WWP2: variants seen among roughly 807,000 people sequenced by gnomAD.
The protein encoded by WWP2 is NEDD4-like E3 ubiquitin-protein ligase WWP2.
WWP2 carries 57 observed loss-of-function variants against 121.0 expected under a neutral mutation model. The observed-to-expected ratio is 0.47, with a 90% CI of 0.38 to 0.59. The LOEUF (loss-of-function observed/expected upper bound fraction) is 0.59, where lower values mean the gene tolerates loss of function less well. WWP2 is among the 20% of genes least tolerant of loss of function. WWP2 has a pLI of 0.00. For synonymous variants in WWP2, 449 were observed against 441.3 expected (o/e 1.02, Z -0.22); for missense variants, 962 against 1,158.9 (o/e 0.83, Z 2.47).
At chr16:69,788,629 G>A (rs558514002) in intron 2 of WWP2, among the ~76,000 whole-genome samples, 1 of 152,224 alleles carries the variant, frequency 6.6e-6, no homozygotes, top group African/African-American at 2.4e-5. Flanking sequence ...CTGATCCAAC[G>A]CCACCTTTCT....
chr16:69,920,784 C>CAATA (rs1474700394), intron 10 of WWP2, among the ~76,000 whole-genome samples: 2 of 151,898 alleles, frequency 1.3e-5, no homozygotes, highest in Non-Finnish European at 1.5e-5. Flanking sequence ...GATCCTGTCT[C>CAATA]AATAAATAAA....
At chr16:69,931,972 C>T in intron 16 of WWP2, 82 bp downstream of exon 16, 3 of 1,315,458 alleles carry the variant, frequency 2.3e-6, no homozygotes, top group South Asian at 1.3e-5. Flanking sequence ...CTGCCTGCCC[C>T]CTGCTCACAT....
At chr16:69,928,037 A>C (rs1299715582) in intron 11 of WWP2, among the ~76,000 whole-genome samples, 1 of 152,036 alleles carries the variant, frequency 6.6e-6, no homozygotes, top group Non-Finnish European at 1.5e-5. Flanking sequence ...TCTGTTTGTA[A>C]AATTTCAGTC....
chr16:69,840,388 T>C lies in WWP2; in HGVS notation c.478+125T>C, dbSNP rs927155774. 9.7e-6 allele frequency: 13 copies of C among 1,336,174 alleles called. No individual in the cohort carries two copies. The African/African-American group carries it at 1.9e-4, about 19-fold the overall frequency. The allele number at this position is 1,336,174 out of a possible 1,614,324, so 82.8% of individuals were successfully genotyped here. ...TTTGATTCCCACTCAGCCTGGCCCA[T>C]AGCTAGCCCGGACTCTTCTTAGCTC... On this transcript the variant is annotated intron_variant, in intron 5 of 23. Coordinates refer to ENST00000359154, the MANE Select transcript of WWP2 (RefSeq NM_001270454.2).
At chr16:69,845,671 A>G (rs1156430341) in intron 6 of WWP2, among the ~76,000 whole-genome samples, 3 of 152,030 alleles carry the variant, frequency 2.0e-5, no homozygotes, top group African/African-American at 4.8e-5. Context: ...CATTCGTCCA[A>G]GCTCATCCCG....
intron 7 of WWP2, among the ~76,000 whole-genome samples, chr16:69,876,420 C>T (rs777453904): frequency 1.1e-4 from 16 of 150,584 alleles, no homozygotes; most frequent in Admixed American, 2.0e-4. Context: ...GCTGGAATGC[C>T]GTGGCATGAT....
At chr16:69,766,290 G>A (rs1480815271) in intron 1 of WWP2, among the ~76,000 whole-genome samples, 1 of 152,076 alleles carries the variant, frequency 6.6e-6, no homozygotes, top group Non-Finnish European at 1.5e-5. Context: ...AGTACACCCT[G>A]GATGCATCTT....
chr16:69,885,746 G>A (rs2057911831), intron 7 of WWP2, among the ~76,000 whole-genome samples: 1 of 152,192 alleles, frequency 6.6e-6, no homozygotes, highest in Non-Finnish European at 1.5e-5. Flanking sequence ...TTGAGCTATA[G>A]TTTCCTTAAG....
intron 8 of WWP2, among the ~76,000 whole-genome samples, chr16:69,892,905 T>C (rs1467284827): frequency 1.3e-5 from 2 of 152,234 alleles, no homozygotes; most frequent in Non-Finnish European, 1.5e-5. Context: ...TGGCTTCATA[T>C]TGTCTTTGGG....
chr16:69,908,796 A>T lies in WWP2; in HGVS notation c.950A>T (p.Tyr317Phe), dbSNP rs774748100. The change falls in exon 9 of 24, where the codon TAT becomes TTT. Residue 317 changes from tyrosine to phenylalanine, a missense_variant. Tyr to Phe is a conservative substitution (Grantham distance 22). Transcript: ENST00000359154. Reference sequence around the variant, plus strand: ...CGAGAGCTGCCCAACGGACGTGTCTATTATGTTGACCACAATACCAAGACC... The same window carrying T: ...CGAGAGCTGCCCAACGGACGTGTCTTTTATGTTGACCACAATACCAAGACC... Reference protein sequence around the residue: ...EQRELPNGRVYYVDHNTKTTT... With the variant: ...EQRELPNGRVFYVDHNTKTTT... 1.9e-6 allele frequency: 3 copies of T among 1,614,174 alleles called. No homozygotes were observed. The highest frequency in any genetic ancestry group is 2.5e-6 in the Non-Finnish European group (3 of 1,180,026).
chr16:69,864,978 C>T (rs2057493354), intron 6 of WWP2, among the ~76,000 whole-genome samples: 2 of 151,986 alleles, frequency 1.3e-5, no homozygotes, highest in Admixed American at 1.3e-4. Context: ...TTGCACTTCC[C>T]GAAGAACTTA....
chr16:69,762,613 G>A (rs2038638574), intron 1 of WWP2, among the ~76,000 whole-genome samples: 1 of 151,640 alleles, frequency 6.6e-6, no homozygotes, highest in African/African-American at 2.4e-5. Context: ...CGCGGGGGTT[G>A]CTCCGAAATG....
chr16:69,860,580 C>T (rs971735775), intron 6 of WWP2, among the ~76,000 whole-genome samples: 1 of 152,156 alleles, frequency 6.6e-6, no homozygotes, highest in African/African-American at 2.4e-5. Flanking sequence ...GCAAGTAGAT[C>T]AGCAAAGGGT....
chr16:69,930,191 C>A lies in WWP2; in HGVS notation c.1378C>A (p.Arg460=). The part of the protein sequence containing the change: ...WEMKYTSEGV[R]YFVDHNTRTT... ...GATGAAATACACCAGCGAGGGGGTG[C>A]GATACTTTGTGGACCACAATACCCG... The change falls in exon 13 of 24, where the codon CGA becomes AGA. Residue 460 remains arginine (R), a synonymous_variant. Coordinates refer to ENST00000359154, the MANE Select transcript of WWP2 (RefSeq NM_001270454.2). 1 of 1,613,856 alleles carries A rather than the reference C, an allele frequency of 6.2e-7. No individual in the cohort carries two copies. The highest frequency in any genetic ancestry group is 8.5e-7 in the Non-Finnish European group (1 of 1,179,892).
chr16:69,929,300 T>G, intron 11 of WWP2, 148 bp from the exon 12 acceptor site: 24 of 647,200 alleles, frequency 3.7e-5, no homozygotes, highest in East Asian at 6.0e-5. Flanking sequence ...CAAGTGTGAG[T>G]GAGCTTGGCT....
chr16:69,851,177 A>AT (rs34470069), intron 6 of WWP2, among the ~76,000 whole-genome samples: 56,244 of 144,884 alleles, frequency 0.39, 10,884 homozygotes, highest in Admixed American at 0.49. Flanking sequence ...TGCCCAGCTA[A>AT]TTTTTTTTTT....
In WWP2 at chr16:69,880,177, A is replaced by G. The variant is rs931687062; in HGVS notation, c.704-7862A>G. On this transcript the variant is annotated intron_variant, in intron 7 of 23. Transcript: ENST00000359154. ...TATACATAATATATATTATATAGACATGTATATAAAATGAGGACTGGGTCT... is the reference window on the plus strand; with the variant it reads ...TATACATAATATATATTATATAGACGTGTATATAAAATGAGGACTGGGTCT... Among the ~76,000 whole-genome samples, 7 of 151,446 alleles carry G rather than the reference A, an allele frequency of 4.6e-5. No individual in the cohort carries two copies. In the East Asian group the frequency reaches 1.4e-3, roughly 29 times the overall value.
intron 8 of WWP2, among the ~76,000 whole-genome samples, chr16:69,908,209 C>T (rs754553196): frequency 6.6e-6 from 1 of 152,144 alleles, no homozygotes; most frequent in African/African-American, 2.4e-5. Flanking sequence ...TGTGTCACTG[C>T]ACTTCAGCCT....
intron 4 of WWP2, among the ~76,000 whole-genome samples, chr16:69,818,319 T>G (rs2056533648): frequency 6.6e-6 from 1 of 152,088 alleles, no homozygotes; most frequent in Non-Finnish European, 1.5e-5. Context: ...GCAATTCTCC[T>G]GCCTCAGCCT....
Sources: gnomAD v4.1 joint callset for allele counts (sites outside exome capture counted in the v4.1 genomes callset) on GRCh38, gnomAD v4.1.1 for gene constraint, MANE v1.5 for transcripts, NCBI Gene and HGNC (gene_info 2026-07-23, HGNC 2026-07-21) for gene names.